AATF: variants seen among roughly 807,000 people sequenced by gnomAD.
The protein encoded by AATF is apoptosis antagonizing transcription factor.
AATF carries 48 observed loss-of-function variants against 63.7 expected under a neutral mutation model. The ratio of observed to expected loss-of-function variants is 0.75; its 90% CI spans 0.60 to 0.96. The LOEUF is 0.96. AATF is among the 40% of genes least tolerant of loss of function. AATF has a pLI of 0.00. For missense variants in AATF, 639 were observed against 685.7 expected (o/e 0.93, Z 0.76); for synonymous variants, 258 against 247.7 (o/e 1.04, Z -0.39).
chr17:36,994,525 C>T (rs747246062), intron 8 of AATF, among the ~76,000 whole-genome samples: 88 of 152,322 alleles, frequency 5.8e-4, no homozygotes, highest in Non-Finnish European at 1.0e-3. Flanking sequence ...TCATCTGCTT[C>T]AGAAAAGCAT....
chr17:37,004,652 T>C (rs1320207428), intron 8 of AATF, among the ~76,000 whole-genome samples: 3 of 151,860 alleles, frequency 2.0e-5, no homozygotes, highest in Non-Finnish European at 1.5e-5. Context: ...CTCATGTGAG[T>C]GCTTCTATGT....
Position 36,952,143 on chromosome 17 carries a change from G to A in AATF, c.284-743G>A, listed in dbSNP as rs146424908. On this transcript the variant is annotated intron_variant, in intron 2 of 11. Coordinates refer to ENST00000619387, the MANE Select transcript of AATF (RefSeq NM_012138.4). ...ACTTCCTTGTGCATCCTGCACTCCA[G>A]TGCGTTTTCCCTTCATTATCTATGA... is the stretch of plus-strand genomic sequence containing the variant. Among the ~76,000 whole-genome samples the A allele has an allele frequency of 1.2e-3, 184 of 152,338 alleles. 1 individual carries two copies. The highest frequency in any genetic ancestry group is 4.3e-3 in the African/African-American group (178 of 41,568).
intron 9 of AATF, among the ~76,000 whole-genome samples, chr17:37,019,750 C>T (rs902995796): frequency 6.6e-5 from 10 of 152,070 alleles, no homozygotes; most frequent in Non-Finnish European, 1.3e-4. Context: ...AGCAGCCATT[C>T]GAGAAAGCAG....
At chr17:36,956,080 A>G (rs1202416852) in intron 4 of AATF, among the ~76,000 whole-genome samples, 1 of 152,102 alleles carries the variant, frequency 6.6e-6, no homozygotes, top group African/African-American at 2.4e-5. Context: ...AGTGTCTTTA[A>G]TCACTGCAGT....
At chr17:36,956,255 C>G (rs1328778741) in intron 4 of AATF, among the ~76,000 whole-genome samples, 1 of 152,140 alleles carries the variant, frequency 6.6e-6, no homozygotes, top group Non-Finnish European at 1.5e-5. Flanking sequence ...ATCACATATT[C>G]TAAGGTGGGA....
intron 11 of AATF, among the ~76,000 whole-genome samples, chr17:37,049,959 T>C (rs8073056): frequency 0.33 from 50,789 of 151,966 alleles, 12,455 homozygotes; most frequent in African/African-American, 0.7. Context: ...CTGCGGGTTC[T>C]GGAGACCTTG....
Position 37,020,880 on chromosome 17 carries a change from T to C in AATF, c.1467-54T>C, listed in dbSNP as rs1002540575. 3 of 1,374,972 alleles carry C rather than the reference T, an allele frequency of 2.2e-6. No homozygotes were observed. The East Asian group carries it at 7.4e-5, about 34-fold the overall frequency. 85.2% of individuals were successfully genotyped at this position (1,374,972 alleles called of 1,614,324 possible). A position where few individuals can be genotyped will look rare whatever the true frequency, so the allele number is the denominator to read the frequency against. Reference sequence around the variant, plus strand: ...TTAGAATAATTCCAATTTGTCAATATGTATAACTATTTCTGTTAGTGATGA... The same window carrying C: ...TTAGAATAATTCCAATTTGTCAATACGTATAACTATTTCTGTTAGTGATGA... On this transcript the variant is annotated intron_variant, in intron 9 of 11. Coordinates refer to ENST00000619387, the MANE Select transcript of AATF (RefSeq NM_012138.4).
chr17:36,949,029 T>A lies in AATF; in HGVS notation c.-97T>A, dbSNP rs2070829373. On this transcript the variant is annotated 5_prime_UTR_variant, in exon 1 of 12. Coordinates refer to ENST00000619387, the MANE Select transcript of AATF (RefSeq NM_012138.4). Reference sequence around the variant, plus strand: ...TCTCTGGCGGAGTCGGGGAATCGGATCAAGGCGAGAGGATCCGGCAGGGAA... The same window carrying A: ...TCTCTGGCGGAGTCGGGGAATCGGAACAAGGCGAGAGGATCCGGCAGGGAA... 3 of 1,162,104 alleles carry A rather than the reference T, an allele frequency of 2.6e-6. No homozygotes were observed. Among genetic ancestry groups the A allele is most frequent in the East Asian group, 5.3e-5 (2 of 37,520 alleles). The allele number at this position is 1,162,104 out of a possible 1,614,324, so 72.0% of individuals were successfully genotyped here.
At chr17:36,990,377 T>G (rs1035361461) in intron 7 of AATF, among the ~76,000 whole-genome samples, 1 of 152,192 alleles carries the variant, frequency 6.6e-6, no homozygotes, top group African/African-American at 2.4e-5. Context: ...GTACATGTAT[T>G]ATGTGTTCGT....
At chr17:36,951,965 A>G (rs2142199768) in intron 2 of AATF, among the ~76,000 whole-genome samples, 1 of 152,358 alleles carries the variant, frequency 6.6e-6, no homozygotes, top group South Asian at 2.1e-4. Flanking sequence ...ACCATGGAAC[A>G]GATTGGATAA....
rs1447606169 is a variant in AATF, at chr17:36,961,832, GC to G, written c.832+7927del. On this transcript the variant is annotated intron_variant, in intron 4 of 11. Coordinates refer to ENST00000619387, the MANE Select transcript of AATF (RefSeq NM_012138.4). ...TGGGATTACAGGCATCCACCACCGT[GC>G]CTGGCTAATTTTTGTGTTTTTGGTA... 4.6e-5 allele frequency among the ~76,000 whole-genome samples: 7 copies of G among 152,190 alleles called. No homozygotes were observed. In the East Asian group the frequency reaches 1.4e-3, roughly 29 times the overall value.
chr17:37,005,253 A>T (rs889758496), intron 8 of AATF, among the ~76,000 whole-genome samples: 1 of 152,212 alleles, frequency 6.6e-6, no homozygotes, highest in African/African-American at 2.4e-5. Flanking sequence ...GTGGGTCTGT[A>T]CGACAAAAGG....
At chr17:36,951,956 C>T (rs185761891) in intron 2 of AATF, among the ~76,000 whole-genome samples, 1 of 152,262 alleles carries the variant, frequency 6.6e-6, no homozygotes, top group Admixed American at 6.5e-5. Context: ...TTATGTTCTA[C>T]CATGGAACAG....
chr17:37,053,656 C>T (rs2071772566), intron 11 of AATF, among the ~76,000 whole-genome samples: 1 of 152,302 alleles, frequency 6.6e-6, no homozygotes, highest in South Asian at 2.1e-4. Flanking sequence ...ATCATGAGGT[C>T]AAGAGATGGA....
At chr17:37,029,312 C>T (rs1289776415) in intron 10 of AATF, among the ~76,000 whole-genome samples, 1 of 151,430 alleles carries the variant, frequency 6.6e-6, no homozygotes, top group African/African-American at 2.4e-5. Context: ...GGCCTGATCT[C>T]GGCTCACTGC....
intron 4 of AATF, among the ~76,000 whole-genome samples, chr17:36,985,553 TG>T (rs2142243850): frequency 6.6e-6 from 1 of 151,916 alleles, no homozygotes; most frequent in African/African-American, 2.4e-5. Context: ...TTTTTTGTTT[TG>T]TTTTTTCCAG....
At chr17:36,960,026 C>A (rs2070934068) in intron 4 of AATF, among the ~76,000 whole-genome samples, 1 of 150,446 alleles carries the variant, frequency 6.6e-6, no homozygotes, top group Non-Finnish European at 1.5e-5. Context: ...ATTTTTTTCC[C>A]CCCCCGAGAT....
At chr17:36,960,165 C>T (rs556141513) in intron 4 of AATF, among the ~76,000 whole-genome samples, 5 of 152,264 alleles carry the variant, frequency 3.3e-5, no homozygotes, top group African/African-American at 1.2e-4. Flanking sequence ...AGGCATGCAG[C>T]ACCACGCCCA....
At chr17:37,054,062 G>A (rs891605577) in intron 11 of AATF, among the ~76,000 whole-genome samples, 1 of 152,174 alleles carries the variant, frequency 6.6e-6, no homozygotes, top group African/African-American at 2.4e-5. Flanking sequence ...TAAAGAGGGA[G>A]GAAGGGCTGT....
Sources: gnomAD v4.1 joint callset for allele counts (sites outside exome capture counted in the v4.1 genomes callset) on GRCh38, gnomAD v4.1.1 for gene constraint, MANE v1.5 for transcripts, NCBI Gene and HGNC (gene_info 2026-07-23, HGNC 2026-07-21) for gene names.